Variants in CRHR2 observed in about 807,000 individuals in gnomAD.
CRHR2 encodes corticotropin releasing hormone receptor 2.
A neutral mutation model predicts 57.9 loss-of-function variants in CRHR2; 53 were observed. The observed-to-expected ratio is 0.92, with a 90% CI of 0.73 to 1.15. CRHR2 has a LOEUF of 1.15. CRHR2 is among the 50% of genes most tolerant of loss of function. The pLI, the probability that CRHR2 is intolerant of heterozygous loss-of-function variation, is 0.00. For synonymous variants in CRHR2, 213 were observed against 220.9 expected, an observed-to-expected ratio of 0.96 and a Z score of 0.32; for missense variants, 532 against 542.6, an observed-to-expected ratio of 0.98 and a Z score of 0.19.
intron 2 of CRHR2, among the ~76,000 whole-genome samples, chr7:30,672,411 T>C (rs1784390114): frequency 6.6e-6 from 1 of 152,252 alleles, no homozygotes. Context: ...CTGTCATCTC[T>C]GGCCTTTTCT....
rs1319602441 is a variant in CRHR2 at position 30,656,842 on chromosome 7, T to C, written c.832-830A>G. On this transcript the variant is annotated intron_variant, in intron 8 of 11. Transcript: ENST00000471646. This position sits in a 1 kb window ranked among gnomAD's most constrained non-coding sequence, Gnocchi z 4.4. ...GCTGCAGTGTGGGTCTGTGGGTCTA[T>C]CCTTTAAGCACTTGTGCAAGTGTGT... Among the ~76,000 whole-genome samples the C allele has an allele frequency of 6.6e-6, 1 of 152,108 alleles. No homozygotes were observed. The highest frequency in any genetic ancestry group is 2.4e-5 in the African/African-American group (1 of 41,428).
intron 2 of CRHR2, among the ~76,000 whole-genome samples, chr7:30,674,921 A>T (rs1217294328): frequency 2.6e-5 from 4 of 152,100 alleles, no homozygotes; most frequent in Admixed American, 2.6e-4. Flanking sequence ...GTCTACAGGG[A>T]GCCCCAAGCA....
In CRHR2 at chr7:30,662,191, G is replaced by A; in HGVS notation, c.723C>T (p.Ala241=). Residue 241 remains alanine (A), a synonymous_variant, in exon 7 of 12, where the codon GCC becomes GCT. Transcript: ENST00000471646. ...CATAGTAGAGCTTGCCGATGGCCCA[G>A]GCGACGATGATGGGGAAGGGGATGC... ...GWCIPFPIIV[A]WAIGKLYYEN... The A allele has an allele frequency of 6.2e-7, 1 of 1,614,182 alleles. No homozygotes were observed.
Position 30,665,065 on chromosome 7 carries a change from A to G in CRHR2, c.543+5T>C, listed in dbSNP as rs370570799. 18 of 1,612,932 alleles carry G rather than the reference A, an allele frequency of 1.1e-5. No individual in the cohort carries two copies. The African/African-American group carries it at 2.1e-4, about 19-fold the overall frequency. ...GTATAGCCCCGAGTCTCCCCGAGCA[A>G]TGACCTCATTGCTCTCGTGCACTTC... is the stretch of plus-strand genomic sequence containing the variant. On this transcript the variant is annotated splice_donor_5th_base_variant and intron_variant, in intron 5 of 11. Coordinates refer to ENST00000471646, the MANE Select transcript of CRHR2 (RefSeq NM_001883.5). The surrounding 1 kb of genome is among the most constrained non-coding windows in gnomAD (Gnocchi z 4.5).
intron 2 of CRHR2, among the ~76,000 whole-genome samples, chr7:30,672,576 A>G (rs1296606133): frequency 2.0e-5 from 3 of 152,230 alleles, no homozygotes; most frequent in African/African-American, 7.2e-5. Context: ...ACCAAGATGC[A>G]TGGCAAATAC....
chr7:30,683,239 A>G (rs556582438), upstream of CRHR2, among the ~76,000 whole-genome samples: 2 of 152,314 alleles, frequency 1.3e-5, no homozygotes, highest in East Asian at 3.9e-4. Flanking sequence ...CCCAGTTGTT[A>G]GTGCCTTGGG....
chr7:30,679,763 G>C (rs1784638622), intron 2 of CRHR2, among the ~76,000 whole-genome samples: 1 of 152,162 alleles, frequency 6.6e-6, no homozygotes, highest in African/African-American at 2.4e-5. Context: ...TTAAAGGAAG[G>C]ATCCCAAGGA....
chr7:30,671,969 C>T (rs1284023624), intron 2 of CRHR2, among the ~76,000 whole-genome samples: 1 of 152,000 alleles, frequency 6.6e-6, no homozygotes, highest in African/African-American at 2.4e-5. Context: ...GTGGGGAGGG[C>T]CAGAAGCAAT....
upstream of CRHR2, among the ~76,000 whole-genome samples, chr7:30,686,133 C>CT (rs1784851216): frequency 6.6e-6 from 1 of 152,240 alleles, no homozygotes; most frequent in African/African-American, 2.4e-5. Flanking sequence ...TTCGCTATCT[C>CT]TGTTCCTTGT....
At chr7:30,691,053 A>C (rs1584141521) in intron 1 of CRHR2, among the ~76,000 whole-genome samples, 1 of 149,806 alleles carries the variant, frequency 6.7e-6, no homozygotes, top group Non-Finnish European at 1.5e-5. Context: ...CATCAGGAAG[A>C]CCTTGCTGAC....
intron 2 of CRHR2, among the ~76,000 whole-genome samples, chr7:30,678,851 C>T (rs1319877957): frequency 2.0e-5 from 3 of 152,184 alleles, no homozygotes; most frequent in African/African-American, 4.8e-5. Flanking sequence ...CTCTTACAGC[C>T]TGCGGTCTAC....
intron 8 of CRHR2, among the ~76,000 whole-genome samples, chr7:30,659,515 A>G (rs1783913037): frequency 6.6e-6 from 1 of 152,176 alleles, no homozygotes; most frequent in African/African-American, 2.4e-5. Flanking sequence ...GACTCACTGC[A>G]GCTGGGAGTC....
Position 30,662,227 on chromosome 7 carries a change from G to A in CRHR2, c.698-11C>T. ...TGGGGAAGGGGATGCCTGAAAGAAGGAAAGACTTGGGCTGCAGGGGACAGA... is the reference window on the plus strand; with the variant it reads ...TGGGGAAGGGGATGCCTGAAAGAAGAAAAGACTTGGGCTGCAGGGGACAGA... On this transcript the variant is annotated splice_polypyrimidine_tract_variant and intron_variant, in intron 6 of 11. Transcript: ENST00000471646. The A allele has an allele frequency of 6.2e-7, 1 of 1,614,110 alleles. No individual in the cohort carries two copies. The highest frequency in any genetic ancestry group is 8.5e-7 in the Non-Finnish European group (1 of 1,179,982).
intron 1 of CRHR2, among the ~76,000 whole-genome samples, chr7:30,699,236 C>T (rs150556448): frequency 1.1e-3 from 171 of 152,336 alleles, no homozygotes; most frequent in African/African-American, 3.9e-3. Flanking sequence ...TTTTGATGGT[C>T]GCTCTGTGTC....
chr7:30,677,329 T>G (rs749775593), intron 2 of CRHR2, among the ~76,000 whole-genome samples: 3 of 151,822 alleles, frequency 2.0e-5, no homozygotes, highest in Non-Finnish European at 2.9e-5. Flanking sequence ...GACAGAGATG[T>G]ACACACAGAG....
chr7:30,699,867 C>T (rs1432015713), intron 1 of CRHR2: 2 of 1,237,526 alleles, frequency 1.6e-6, no homozygotes, highest in Non-Finnish European at 2.2e-6. Flanking sequence ...CCCTGAGACC[C>T]CCGCCCCTAG....
chr7:30,661,381 G>T (rs1327869475), intron 7 of CRHR2, among the ~76,000 whole-genome samples: 1 of 152,136 alleles, frequency 6.6e-6, no homozygotes, highest in Non-Finnish European at 1.5e-5. Flanking sequence ...TCTGGCCTCT[G>T]CTTGGAGCCC....
At chr7:30,677,575 C>T (rs1784558343) in intron 2 of CRHR2, among the ~76,000 whole-genome samples, 1 of 152,108 alleles carries the variant, frequency 6.6e-6, no homozygotes, top group Admixed American at 6.5e-5. Context: ...GGGGTAAGAC[C>T]GAGGCTACCT....
intron 1 of CRHR2, among the ~76,000 whole-genome samples, chr7:30,689,637 C>A (rs1378579888): frequency 6.6e-6 from 1 of 152,162 alleles, no homozygotes; most frequent in Non-Finnish European, 1.5e-5. Flanking sequence ...ATTAGTTGTT[C>A]ATTCAACCAA....
Sources: allele counts gnomAD v4.1 joint callset (sites outside exome capture counted in the v4.1 genomes callset), GRCh38; gene constraint gnomAD v4.1.1; non-coding constraint Gnocchi (gnomAD v3.1); transcripts MANE v1.5; gene names NCBI Gene and HGNC (gene_info 2026-07-23, HGNC 2026-07-21).